Variants in EFCAB11 observed in about 807,000 individuals in gnomAD.
The protein encoded by EFCAB11 is EF-hand calcium binding domain 11, also known as EF-hand calcium-binding domain-containing protein 11.
A neutral mutation model predicts 23.0 loss-of-function variants in EFCAB11; 14 were observed. The observed-to-expected ratio is 0.61, with a 90% confidence interval of 0.40 to 0.95. EFCAB11 has a LOEUF of 0.95. EFCAB11 is among the 40% of genes least tolerant of loss of function. The pLI is 0.00. For synonymous variants in EFCAB11, 65 were observed against 66.6 expected (o/e 0.98, Z 0.11); for missense variants, 198 against 195.8 (o/e 1.01, Z -0.07).
At position 89,888,781 on chromosome 14, in the gene EFCAB11, C is replaced by T. The variant is rs143463808; in HGVS notation, c.410+42760G>A. ...GCCAGCTCCTTGCTCTTGGACTTCC[C>T]GGCCTACAGAAGTGTCAGAAAAAAA... is the stretch of plus-strand genomic sequence containing the variant. On this transcript the variant is annotated intron_variant, in intron 5 of 5. Coordinates refer to ENST00000316738, the MANE Select transcript of EFCAB11 (RefSeq NM_145231.4). Among the ~76,000 whole-genome samples the T allele has an allele frequency of 2.9e-4, 44 of 152,284 alleles. No homozygotes were observed. The East Asian group carries it at 7.7e-3, about 27-fold the overall frequency.
At chr14:89,812,870 A>G (rs911463267) in intron 5 of EFCAB11, among the ~76,000 whole-genome samples, 23 of 152,234 alleles carry the variant, frequency 1.5e-4, no homozygotes, top group African/African-American at 5.5e-4. Context: ...CAATTGAAGA[A>G]ATTGTGAAGG....
At chr14:89,934,267 G>A (rs1423043378) in intron 3 of EFCAB11, among the ~76,000 whole-genome samples, 1 of 152,206 alleles carries the variant, frequency 6.6e-6, no homozygotes, top group East Asian at 1.9e-4. Flanking sequence ...CTACTGGCAA[G>A]AGATGTGGTT....
At chr14:89,817,014 A>G (rs1886356357) in intron 5 of EFCAB11, among the ~76,000 whole-genome samples, 1 of 152,154 alleles carries the variant, frequency 6.6e-6, no homozygotes, top group South Asian at 2.1e-4. Context: ...AAGGTAGAAT[A>G]TATCAGTCCA....
intron 5 of EFCAB11, among the ~76,000 whole-genome samples, chr14:89,859,512 A>G (rs1048438727): frequency 6.6e-6 from 1 of 152,220 alleles, no homozygotes; most frequent in Non-Finnish European, 1.5e-5. Flanking sequence ...TACAAACTCA[A>G]ATGCCAAAGG....
intron 5 of EFCAB11, among the ~76,000 whole-genome samples, chr14:89,882,235 T>G (rs1003837432): frequency 1.2e-4 from 18 of 152,236 alleles, no homozygotes; most frequent in African/African-American, 3.9e-4. Flanking sequence ...CATTATAAAC[T>G]CTTCATTGAG....
chr14:89,899,121 C>T (rs1022361875), intron 5 of EFCAB11, among the ~76,000 whole-genome samples: 9 of 152,152 alleles, frequency 5.9e-5, no homozygotes, highest in East Asian at 1.9e-4. Context: ...CTGTGTTACA[C>T]GTAGAGAGTT....
In EFCAB11 at chr14:89,872,347, G is replaced by T. The variant is rs138020612; in HGVS notation, c.410+59194C>A. Among the ~76,000 whole-genome samples the T allele has an allele frequency of 4.0e-3, 606 of 152,312 alleles. 4 individuals are homozygous for T. Among genetic ancestry groups the T allele is most frequent in the African/African-American group, 0.013 (557 of 41,556 alleles). Reference sequence around the variant, plus strand: ...CACGCGCAAAGGCACAGAGGTGCAGGTCTAAGCCTTTAGGGAAGCTGAAAT... The same window carrying T: ...CACGCGCAAAGGCACAGAGGTGCAGTTCTAAGCCTTTAGGGAAGCTGAAAT... On this transcript the variant is annotated intron_variant, in intron 5 of 5. Coordinates refer to ENST00000316738, the MANE Select transcript of EFCAB11 (RefSeq NM_145231.4).
chr14:89,923,625 G>A (rs2281749), intron 5 of EFCAB11: 10 of 911,904 alleles, frequency 1.1e-5, no homozygotes, highest in Non-Finnish European at 1.3e-5. Context: ...AATATGATTT[G>A]TAGGTGTTTT....
chr14:89,821,952 A>G (rs1456992937), intron 5 of EFCAB11, among the ~76,000 whole-genome samples: 1 of 152,264 alleles, frequency 6.6e-6, no homozygotes, highest in Non-Finnish European at 1.5e-5. Context: ...ATCCAGGTGT[A>G]AACTACAATT....
chr14:89,910,174 A>G (rs1259135047), intron 5 of EFCAB11, among the ~76,000 whole-genome samples: 2 of 152,248 alleles, frequency 1.3e-5, no homozygotes, highest in Non-Finnish European at 2.9e-5. Context: ...TATAAGCCTG[A>G]GAATAAAAGA....
chr14:89,950,110 A>G lies in EFCAB11; in HGVS notation c.204T>C (p.Asn68=), dbSNP rs768649586. The change falls in exon 3 of 6, where the codon AAT becomes AAC. Residue 68 remains asparagine (N), a synonymous_variant. Transcript: ENST00000316738. ...IEVDSVMSSI[N]PNTSGILLEG... ...CTTTCATATTACCAGAAGTATTTGG[A>G]TTTATTGAAGACATCACAGAATCCA... is the stretch of plus-strand genomic sequence containing the variant. 2.6e-6 allele frequency: 4 copies of G among 1,554,910 alleles called. No individual in the cohort carries two copies. Among genetic ancestry groups the G allele is most frequent in the Non-Finnish European group, 3.5e-6 (4 of 1,138,652 alleles).
intron 5 of EFCAB11, among the ~76,000 whole-genome samples, chr14:89,874,404 G>T (rs1412024176): frequency 1.3e-5 from 2 of 152,148 alleles, no homozygotes; most frequent in Non-Finnish European, 2.9e-5. Flanking sequence ...CCGTTGTCTT[G>T]GTGATTAACA....
chr14:89,812,064 T>G (rs1886166794), intron 5 of EFCAB11, among the ~76,000 whole-genome samples: 1 of 152,332 alleles, frequency 6.6e-6, no homozygotes, highest in African/African-American at 2.4e-5. Flanking sequence ...TGGTTCCAGT[T>G]CTAAATCTCT....
chr14:89,932,370 GA>G (rs1029069206), intron 4 of EFCAB11, among the ~76,000 whole-genome samples, 155 bp downstream of exon 4: 1 of 151,952 alleles, frequency 6.6e-6, no homozygotes, highest in African/African-American at 2.4e-5. Flanking sequence ...TCACGACGGA[GA>G]AAAAAATGTG....
intron 3 of EFCAB11, among the ~76,000 whole-genome samples, chr14:89,937,424 T>C (rs948418019): frequency 6.6e-6 from 1 of 152,238 alleles, no homozygotes; most frequent in Non-Finnish European, 1.5e-5. Flanking sequence ...TTACAAATCC[T>C]TCTTGACCCT....
At chr14:89,953,775 G>C in intron 2 of EFCAB11, 131 bp downstream of exon 2, 1 of 671,716 alleles carries the variant, frequency 1.5e-6, no homozygotes, top group South Asian at 2.0e-5. Context: ...CTAAAATTCA[G>C]CACTGGACAC....
chr14:89,881,542 G>A (rs1224078912), intron 5 of EFCAB11, among the ~76,000 whole-genome samples: 4 of 142,716 alleles, frequency 2.8e-5, no homozygotes, highest in Non-Finnish European at 3.0e-5. Flanking sequence ...CTGCCTCCCA[G>A]GTTCAAGTGA....
At chr14:89,843,937 C>T (rs1485268880) in intron 5 of EFCAB11, among the ~76,000 whole-genome samples, 3 of 152,320 alleles carry the variant, frequency 2.0e-5, no homozygotes, top group Admixed American at 6.5e-5. Context: ...CACTTGAAAG[C>T]TTGAATTTTA....
intron 5 of EFCAB11, among the ~76,000 whole-genome samples, chr14:89,832,831 C>A (rs1886930183): frequency 6.6e-6 from 1 of 152,126 alleles, no homozygotes; most frequent in African/African-American, 2.4e-5. Flanking sequence ...ACGGTTTCTA[C>A]TCAACGCCTA....
Sources: allele counts gnomAD v4.1 joint callset (sites outside exome capture counted in the v4.1 genomes callset), GRCh38; gene constraint gnomAD v4.1.1; transcripts MANE v1.5; gene names NCBI Gene and HGNC (gene_info 2026-07-23, HGNC 2026-07-21).